Variants in ADGRL3 observed in about 807,000 individuals in gnomAD.
ADGRL3 encodes the protein adhesion G protein-coupled receptor L3, also known as calcium-independent alpha-latrotoxin receptor 3.
ADGRL3 carries 62 observed loss-of-function variants against 153.5 expected under a neutral mutation model. The observed-to-expected ratio is 0.40, with a 90% CI of 0.33 to 0.50. The LOEUF (loss-of-function observed/expected upper bound fraction) is 0.50, where lower values mean the gene tolerates loss of function less well. Among genes scored for constraint, ADGRL3 ranks in the 20% least tolerant of loss-of-function variants. The pLI is 0.47. For synonymous variants in ADGRL3, 710 were observed against 672.5 expected, an observed-to-expected ratio of 1.06 and a Z score of -0.86; for missense variants, 1,641 against 1,859.4, an observed-to-expected ratio of 0.88 and a Z score of 2.16.
intron 1 of ADGRL3, among the ~76,000 whole-genome samples, chr4:61,245,350 A>G (rs1384716290): frequency 6.6e-6 from 1 of 151,956 alleles, no homozygotes; most frequent in Non-Finnish European, 1.5e-5. Flanking sequence ...TTTTCCTGAA[A>G]TACATTTAAA....
At chr4:61,859,029 G>T (rs568898794) in intron 9 of ADGRL3, among the ~76,000 whole-genome samples, 1 of 152,260 alleles carries the variant, frequency 6.6e-6, no homozygotes, top group Admixed American at 6.5e-5. Context: ...GAATTGTGAT[G>T]AATAAGCCTA....
At chr4:61,242,449 A>T (rs964457395) in intron 1 of ADGRL3, among the ~76,000 whole-genome samples, 1 of 151,938 alleles carries the variant, frequency 6.6e-6, no homozygotes, top group Non-Finnish European at 1.5e-5. Context: ...GCCTTCTGCA[A>T]TTTTTCTTTT....
intron 1 of ADGRL3, among the ~76,000 whole-genome samples, chr4:61,377,129 T>TGGTATGGTAGGGAATGCA (rs2096612874): frequency 6.6e-6 from 1 of 152,056 alleles, no homozygotes; most frequent in African/African-American, 2.4e-5. Context: ...TGCCTTTACC[T>TGGTATGGTAGGGAATGCA]TCCCTATCAT....
At chr4:61,979,255 C>T (rs2150800404) in intron 17 of ADGRL3, among the ~76,000 whole-genome samples, 1 of 152,206 alleles carries the variant, frequency 6.6e-6, no homozygotes, top group African/African-American at 2.4e-5. Flanking sequence ...ATGTTTTAAC[C>T]TTGAAATCTT....
intron 1 of ADGRL3, among the ~76,000 whole-genome samples, chr4:61,355,782 T>A (rs889205889): frequency 2.6e-5 from 4 of 152,044 alleles, no homozygotes; most frequent in African/African-American, 4.8e-5. Context: ...TAGCACAGAA[T>A]AAAAGAAATG....
intron 4 of ADGRL3, among the ~76,000 whole-genome samples, chr4:61,582,843 C>T (rs2098931631): frequency 6.6e-6 from 1 of 151,882 alleles, no homozygotes; most frequent in Admixed American, 6.6e-5. Context: ...TAAGGAGCAC[C>T]TTCTTCAAGT....
intron 25 of ADGRL3, among the ~76,000 whole-genome samples, chr4:62,058,284 C>T (rs1738132453): frequency 6.6e-6 from 1 of 151,918 alleles, no homozygotes; most frequent in Non-Finnish European, 1.5e-5. Context: ...TTTATTTCTG[C>T]TTTTAAAGTT....
intron 1 of ADGRL3, among the ~76,000 whole-genome samples, chr4:61,223,413 A>C (rs1347669448): frequency 6.6e-6 from 1 of 152,174 alleles, no homozygotes; most frequent in African/African-American, 2.4e-5. Context: ...ATTGTTTTTT[A>C]TGGATTTCTC....
intron 17 of ADGRL3, among the ~76,000 whole-genome samples, chr4:61,952,993 A>G (rs1262158544): frequency 6.6e-6 from 1 of 152,194 alleles, no homozygotes; most frequent in African/African-American, 2.4e-5. Context: ...CTTATATCAT[A>G]ATCTCTTGTG....
intron 1 of ADGRL3, among the ~76,000 whole-genome samples, chr4:61,271,059 C>T (rs901702226): frequency 1.3e-5 from 2 of 151,608 alleles, no homozygotes; most frequent in African/African-American, 4.8e-5. Context: ...TATTAGTGTT[C>T]TTAAAAAAAT....
At position 62,044,505 on chromosome 4, in the gene ADGRL3, C is replaced by A; in HGVS notation, c.3770C>A (p.Ser1257Tyr). 6.3e-7 allele frequency: 1 copy of A among 1,598,086 alleles called. No homozygotes were observed. Among genetic ancestry groups the A allele is most frequent in the Non-Finnish European group, 8.5e-7 (1 of 1,171,806 alleles). The change falls in exon 25 of 27, where the codon TCC becomes TAC. Residue 1257 changes from serine to tyrosine, a missense_variant. Ser to Tyr is a moderately radical substitution (Grantham distance 144). Transcript: ENST00000683033. ...ACGGTTCGAAAGCAGTCAGAGTCTT[C>A]CTTTATTACTGGAGACATAAACAGT... ...NDTVRKQSES[S>Y]FITGDINSSA...
intron 8 of ADGRL3, among the ~76,000 whole-genome samples, chr4:61,768,712 G>C (rs1184447062): frequency 7.5e-6 from 1 of 132,918 alleles, no homozygotes; most frequent in South Asian, 2.5e-4. Flanking sequence ...AAGAATACAG[G>C]CTAAGGGAGA....
intron 5 of ADGRL3, among the ~76,000 whole-genome samples, chr4:61,615,198 C>T (rs1979786): frequency 0.98 from 149,431 of 152,228 alleles, 73,394 homozygotes; most frequent in East Asian, 1. Context: ...TTAAGAAATC[C>T]ACCATTTTGA....
chr4:61,429,068 T>C (rs537785219), intron 2 of ADGRL3, among the ~76,000 whole-genome samples: 5 of 152,242 alleles, frequency 3.3e-5, no homozygotes, highest in Admixed American at 6.5e-5. Flanking sequence ...AACCCAGGTA[T>C]AATTTTACTC....
At chr4:61,290,597 T>G (rs1257872278) in intron 1 of ADGRL3, among the ~76,000 whole-genome samples, 1 of 150,788 alleles carries the variant, frequency 6.6e-6, no homozygotes, top group African/African-American at 2.4e-5. Context: ...TAAGCTATAA[T>G]TGTACCACTG....
chr4:61,948,141 C>A lies in ADGRL3; in HGVS notation c.2670C>A (p.Ser890Arg), dbSNP rs1378520640. 1 of 1,613,348 alleles carries A rather than the reference C, an allele frequency of 6.2e-7. No individual in the cohort carries two copies. Among genetic ancestry groups the A allele is most frequent in the African/African-American group, 1.3e-5 (1 of 74,902 alleles). ...TCAACCCTAACTGTTCATTTTGGAG[C>A]TACTCCAAGCGTACAATGACAGGTT... is the stretch of plus-strand genomic sequence containing the variant. Reference protein sequence around the residue: ...ENFNPNCSFWSYSKRTMTGYW... With the variant: ...ENFNPNCSFWRYSKRTMTGYW... The change falls in exon 17 of 27, where the codon AGC becomes AGA. Residue 890 changes from serine to arginine, a missense_variant. Ser to Arg is a moderately radical substitution (Grantham distance 110). Coordinates refer to ENST00000683033, the MANE Select transcript of ADGRL3 (RefSeq NM_001387552.1).
chr4:61,965,159 G>C (rs7681138), intron 17 of ADGRL3, among the ~76,000 whole-genome samples: 28,936 of 151,662 alleles, frequency 0.19, 3,342 homozygotes, highest in East Asian at 0.43. Context: ...CACCATGCCC[G>C]GCTAATTTTT....
In ADGRL3 at chr4:61,313,487, A is replaced by G. The variant is rs150408772; in HGVS notation, c.-239-69637A>G. 7.0e-3 allele frequency among the ~76,000 whole-genome samples: 1,063 copies of G among 152,326 alleles called. 12 individuals are homozygous for G. The highest frequency in any genetic ancestry group is 0.025 in the African/African-American group (1,021 of 41,572). Reference sequence around the variant, plus strand: ...GAGGGAACTTTGTGTGTGCCCATGCAGGGGAGAAGGCCAGGTATTATATGG... The same window carrying G: ...GAGGGAACTTTGTGTGTGCCCATGCGGGGGAGAAGGCCAGGTATTATATGG... On this transcript the variant is annotated intron_variant, in intron 1 of 26. Coordinates refer to ENST00000683033, the MANE Select transcript of ADGRL3 (RefSeq NM_001387552.1).
intron 2 of ADGRL3, among the ~76,000 whole-genome samples, chr4:61,425,101 G>A (rs2097260213): frequency 6.6e-6 from 1 of 152,208 alleles, no homozygotes; most frequent in South Asian, 2.1e-4. Context: ...TACACCCTTG[G>A]TGTGGTGATA....
Sources: gnomAD v4.1 joint callset for allele counts (sites outside exome capture counted in the v4.1 genomes callset) on GRCh38, gnomAD v4.1.1 for gene constraint, MANE v1.5 for transcripts, NCBI Gene and HGNC (gene_info 2026-07-23, HGNC 2026-07-21) for gene names.